The following SRGAP2B variants were observed in gnomAD, a reference collection of about 807,000 sequenced individuals.
SRGAP2B encodes SLIT-ROBO Rho GTPase-activating protein 2B.
SRGAP2B carries 9 observed loss-of-function variants against 22.2 expected under a neutral mutation model. The observed-to-expected ratio is 0.41, with a 90% confidence interval of 0.24 to 0.71. The LOEUF (loss-of-function observed/expected upper bound fraction) is 0.71, where lower values mean the gene tolerates loss of function less well. SRGAP2B is among the 30% of genes least tolerant of loss of function. The pLI is 0.35. For synonymous variants in SRGAP2B, 36 were observed against 87.4 expected, an observed-to-expected ratio of 0.41 and a Z score of 3.28; for missense variants, 114 against 235.8, an observed-to-expected ratio of 0.48 and a Z score of 3.38.
exon 10 of SRGAP2B, chr1:144,888,769 C>T (rs1662052678): frequency 2.8e-5 from 2 of 71,974 alleles, no homozygotes; most frequent in African/African-American, 7.0e-5. Context: ...CTCCCATGTA[C>T]GTGAATGAGG....
At chr1:144,934,403 C>CAAAAAAAAAAAAAAAAA (rs782588401) in intron 4 of SRGAP2B, among the ~76,000 whole-genome samples, 3 of 40,682 alleles carry the variant, frequency 7.4e-5, no homozygotes, top group African/African-American at 3.2e-4. Flanking sequence ...AACTCCATCT[C>CAAAAAAAAAAAAAAAAA]AAAAAAAAAA....
chr1:144,994,535 G>C (rs1670506074), intron 3 of SRGAP2B, among the ~76,000 whole-genome samples: 1 of 123,236 alleles, frequency 8.1e-6, no homozygotes, highest in South Asian at 2.7e-4. Context: ...CTATTTACTA[G>C]GGGTGTGTGA....
intron 2 of SRGAP2B, among the ~76,000 whole-genome samples, chr1:145,014,072 G>A (rs6663043): frequency 4.1e-5 from 6 of 147,620 alleles, no homozygotes; most frequent in East Asian, 2.0e-4. Context: ...GAGGCCGAAG[G>A]GGGAGGACCA....
intron 2 of SRGAP2B, among the ~76,000 whole-genome samples, chr1:145,022,963 G>A (rs1553624373): frequency 1.3e-5 from 2 of 149,616 alleles, no homozygotes; most frequent in African/African-American, 2.5e-5. Flanking sequence ...TCAAGAGATC[G>A]AGACCATCCT....
chr1:144,985,559 T>C (rs1669650312), intron 3 of SRGAP2B, among the ~76,000 whole-genome samples: 1 of 149,002 alleles, frequency 6.7e-6, no homozygotes, highest in African/African-American at 2.5e-5. Context: ...TGCTGGGCCA[T>C]ATTAACACAG....
At chr1:145,064,248 C>T (rs1320877567) in intron 2 of SRGAP2B, among the ~76,000 whole-genome samples, 24 of 146,524 alleles carry the variant, frequency 1.6e-4, no homozygotes, top group Admixed American at 6.6e-4. Flanking sequence ...GATTCAGGTA[C>T]CCAGCTTTGC....
chr1:145,002,980 G>C (rs1382058065), intron 2 of SRGAP2B, among the ~76,000 whole-genome samples: 1 of 151,626 alleles, frequency 6.6e-6, no homozygotes, highest in Admixed American at 6.6e-5. Context: ...TGTAATCCCA[G>C]CACTTTGTGA....
At chr1:144,952,789 G>A (rs1308153474) in intron 4 of SRGAP2B, among the ~76,000 whole-genome samples, 8 of 150,598 alleles carry the variant, frequency 5.3e-5, no homozygotes, top group Admixed American at 4.6e-4. Context: ...ACAGGCACAG[G>A]CCACCATGCT....
chr1:144,970,446 A>G (rs1668421391), intron 3 of SRGAP2B, among the ~76,000 whole-genome samples: 2 of 121,932 alleles, frequency 1.6e-5, no homozygotes, highest in Admixed American at 8.7e-5. Flanking sequence ...GAACTGAACA[A>G]TGAGATCACA....
chr1:145,064,278 A>C (rs1651249893), intron 2 of SRGAP2B, among the ~76,000 whole-genome samples: 1 of 146,970 alleles, frequency 6.8e-6, no homozygotes, highest in Middle Eastern at 3.5e-3. Context: ...AAACACAGGA[A>C]GCCCACTGTT....
At chr1:144,984,662 T>C (rs1669586324) in intron 3 of SRGAP2B, among the ~76,000 whole-genome samples, 1 of 148,736 alleles carries the variant, frequency 6.7e-6, no homozygotes, top group African/African-American at 2.6e-5. Flanking sequence ...TTCCCCTTCT[T>C]TTCATTCCTA....
chr1:144,925,253 C>CCTCG (rs1283170094), intron 4 of SRGAP2B, among the ~76,000 whole-genome samples: 1 of 149,580 alleles, frequency 6.7e-6, no homozygotes, highest in African/African-American at 2.5e-5. Context: ...GATCTGCCTG[C>CCTCG]CTCGGCCTCC....
At chr1:145,041,075 GTATA>G (rs370443273) in intron 2 of SRGAP2B, among the ~76,000 whole-genome samples, 9,840 of 75,656 alleles carry the variant, frequency 0.13, 54 homozygotes, top group Non-Finnish European at 0.14. Context: ...TATATATATA[GTATA>G]TATATATATA....
At chr1:144,964,536 A>G (rs1269696742) in intron 3 of SRGAP2B, among the ~76,000 whole-genome samples, 1 of 150,788 alleles carries the variant, frequency 6.6e-6, no homozygotes, top group African/African-American at 2.5e-5. Flanking sequence ...GAGTGGTATA[A>G]GAGAAGCCCT....
chr1:145,044,857 C>A (rs1382125471), intron 2 of SRGAP2B, among the ~76,000 whole-genome samples: 1 of 148,136 alleles, frequency 6.8e-6, no homozygotes. Flanking sequence ...GCAGAGGTAT[C>A]ATGTTGCCCA....
intron 3 of SRGAP2B, among the ~76,000 whole-genome samples, chr1:144,975,797 C>T (rs1570904375): frequency 6.9e-6 from 1 of 145,342 alleles, no homozygotes; most frequent in Non-Finnish European, 1.5e-5. Flanking sequence ...AGGCTAATAA[C>T]AAAAAGAACT....
At chr1:145,069,209 AAG>A (rs746496739) in intron 2 of SRGAP2B, among the ~76,000 whole-genome samples, 7 of 149,884 alleles carry the variant, frequency 4.7e-5, no homozygotes, top group Non-Finnish European at 1.0e-4. Flanking sequence ...GTTGCATAAA[AAG>A]AGAGTCAAGG....
At chr1:144,957,102 G>A (rs1553610477) in intron 3 of SRGAP2B, among the ~76,000 whole-genome samples, 1 of 150,500 alleles carries the variant, frequency 6.6e-6, no homozygotes, top group African/African-American at 2.5e-5. Flanking sequence ...ACTGCAAAGC[G>A]AGTACTCTCA....
chr1:144,992,414 A>C (rs1272130833), intron 3 of SRGAP2B, among the ~76,000 whole-genome samples: 1 of 150,918 alleles, frequency 6.6e-6, no homozygotes, highest in Non-Finnish European at 1.5e-5. Context: ...ATACAGTACT[A>C]AAAATCAAAT....
Sources: allele counts gnomAD v4.1 joint callset (sites outside exome capture counted in the v4.1 genomes callset), GRCh38; gene constraint gnomAD v4.1.1; transcripts MANE v1.5; gene names NCBI Gene and HGNC (gene_info 2026-07-23, HGNC 2026-07-21).